TRIM44: variants seen among roughly 807,000 people sequenced by gnomAD.
The protein encoded by TRIM44 is tripartite motif-containing protein 44.
A neutral mutation model predicts 37.4 loss-of-function variants in TRIM44; 13 were observed. The observed-to-expected ratio is 0.35, with a 90% CI of 0.23 to 0.55. TRIM44 has a LOEUF of 0.55. Among genes scored for constraint, TRIM44 ranks in the 20% least tolerant of loss-of-function variants. The probability of loss-of-function intolerance (pLI) is 0.89; values close to 1 mark genes in which losing one functional copy is unlikely to be tolerated. For synonymous variants in TRIM44, 175 were observed against 157.2 expected (o/e 1.11, Z -0.85); for missense variants, 426 against 437.2 (o/e 0.97, Z 0.23).
At chr11:35,738,256 A>G (rs1367834324) in intron 4 of TRIM44, among the ~76,000 whole-genome samples, 1 of 152,226 alleles carries the variant, frequency 6.6e-6, no homozygotes, top group Non-Finnish European at 1.5e-5. Context: ...CTGTATGAAG[A>G]GATTAACTCC....
At chr11:35,783,071 A>G (rs1565024683) in intron 4 of TRIM44, among the ~76,000 whole-genome samples, 3 of 152,316 alleles carry the variant, frequency 2.0e-5, no homozygotes, top group South Asian at 2.1e-4. Context: ...ACCAGACTCT[A>G]TGCTAAGTGC....
At chr11:35,769,564 G>C (rs1467521673) in intron 4 of TRIM44, among the ~76,000 whole-genome samples, 1 of 152,220 alleles carries the variant, frequency 6.6e-6, no homozygotes, top group African/African-American at 2.4e-5. Context: ...ACCTAGGTTA[G>C]AGTACTGATG....
At chr11:35,677,028 G>A (rs1438919161) in intron 1 of TRIM44, among the ~76,000 whole-genome samples, 1 of 152,156 alleles carries the variant, frequency 6.6e-6, no homozygotes, top group African/African-American at 2.4e-5. Flanking sequence ...TGAGTGGTTT[G>A]TGGCCAGGTC....
At position 35,806,340 on chromosome 11, in the gene TRIM44, TCTC is replaced by T. The variant is rs1853448283; in HGVS notation, c.1008-15_1008-13del. 6.2e-7 allele frequency: 1 copy of T among 1,613,540 alleles called. No individual in the cohort carries two copies. Among genetic ancestry groups the T allele is most frequent in the East Asian group, 2.2e-5 (1 of 44,852 alleles). ...CTTGTGATATCTTAACTCACCTGGT[TCTC>T]CTTTTCCTTTGTAGTGGTGCCAGTG... On this transcript the variant is annotated splice_polypyrimidine_tract_variant and intron_variant, in intron 4 of 4. Transcript: ENST00000299413.
chr11:35,720,349 G>A (rs2135512882), intron 2 of TRIM44, among the ~76,000 whole-genome samples: 1 of 151,750 alleles, frequency 6.6e-6, no homozygotes, highest in East Asian at 1.9e-4. Context: ...TATATAGGAA[G>A]GTGATTGACT....
chr11:35,794,150 C>T (rs1398816555), intron 4 of TRIM44, among the ~76,000 whole-genome samples: 3 of 152,186 alleles, frequency 2.0e-5, no homozygotes, highest in African/African-American at 7.2e-5. Context: ...CCAGCTCTCC[C>T]ACTTCTGGAT....
chr11:35,690,396 A>C (rs546729952), intron 2 of TRIM44, among the ~76,000 whole-genome samples: 1 of 152,368 alleles, frequency 6.6e-6, no homozygotes, highest in African/African-American at 2.4e-5. Flanking sequence ...ACAAATTTTA[A>C]ATGTACAGGT....
rs1003327846 is a variant in TRIM44, at chr11:35,704,095, G to A, written c.747+18759G>A. Among the ~76,000 whole-genome samples the A allele has an allele frequency of 2.6e-5, 4 of 152,146 alleles. No homozygotes were observed. In the South Asian group the frequency reaches 6.2e-4, roughly 24 times the overall value. ...CTGATGGAGCTGAAAGCCAAGGCTC[G>A]AGAACTACGTGAAGAATGCAGAAGC... is the stretch of plus-strand genomic sequence containing the variant. On this transcript the variant is annotated intron_variant, in intron 2 of 4. Transcript: ENST00000299413.
chr11:35,777,795 C>T (rs1174833263), intron 4 of TRIM44, among the ~76,000 whole-genome samples: 1 of 152,212 alleles, frequency 6.6e-6, no homozygotes, highest in African/African-American at 2.4e-5. Context: ...CCACTCTCTT[C>T]TGGCTTGTAG....
chr11:35,816,493 A>T lies in TRIM44; in HGVS notation c.*10108A>T, dbSNP rs1466031285. On this transcript the variant is annotated 3_prime_UTR_variant, in exon 5 of 5. Transcript: ENST00000299413. ...CAGATAATACAATGTAATTGATTTT[A>T]TGTGTGTAATTGGGGAACAGAAGGG... 6.6e-6 allele frequency: 1 copy of T among 152,230 alleles called. No individual in the cohort carries two copies. The highest frequency in any genetic ancestry group is 1.5e-5 in the Non-Finnish European group (1 of 68,046). The allele number at this position is 152,230 out of a possible 1,614,324, so 9.4% of individuals were successfully genotyped here.
At position 35,816,975 on chromosome 11, in the gene TRIM44, C is replaced by G. The variant is rs1030957162; in HGVS notation, c.*10590C>G. 1.3e-5 allele frequency: 2 copies of G among 152,146 alleles called. No individual in the cohort carries two copies. The highest frequency in any genetic ancestry group is 4.8e-5 in the African/African-American group (2 of 41,434). The allele number at this position is 152,146 out of a possible 1,614,324, so 9.4% of individuals were successfully genotyped here. On this transcript the variant is annotated 3_prime_UTR_variant, in exon 5 of 5. Coordinates refer to ENST00000299413, the MANE Select transcript of TRIM44 (RefSeq NM_017583.6). ...TGTACCACATCCCCATGTACTTTTTCATATCAACGGTAAGTACCTCAAATT... is the reference window on the plus strand; with the variant it reads ...TGTACCACATCCCCATGTACTTTTTGATATCAACGGTAAGTACCTCAAATT...
intron 2 of TRIM44, among the ~76,000 whole-genome samples, chr11:35,711,461 ATTTT>A (rs1417383555): frequency 1.6e-5 from 2 of 127,394 alleles, no homozygotes; most frequent in African/African-American, 6.6e-5. Context: ...CATTTCTCAG[ATTTT>A]TTGTTTTTTT....
rs374292018 is a variant in TRIM44, at chr11:35,817,747, G to A, written c.*11362G>A. 6.6e-6 allele frequency: 1 copy of A among 152,126 alleles called. No homozygotes were observed. Among genetic ancestry groups the A allele is most frequent in the African/African-American group, 2.4e-5 (1 of 41,412 alleles). The allele number at this position is 152,126 out of a possible 1,614,324, so 9.4% of individuals were successfully genotyped here. On this transcript the variant is annotated 3_prime_UTR_variant, in exon 5 of 5. Coordinates refer to ENST00000299413, the MANE Select transcript of TRIM44 (RefSeq NM_017583.6). ...GGACCTGGTGGGAAGATTGGATCAT[G>A]GGGGAGTTTTCTCATGATTTAACAA...
intron 2 of TRIM44, among the ~76,000 whole-genome samples, chr11:35,692,252 T>G (rs11033242): frequency 0.042 from 6,338 of 152,214 alleles, 336 homozygotes; most frequent in East Asian, 0.14. Context: ...GTGGTTCTGA[T>G]ATATGCTTTT....
At chr11:35,768,013 T>G (rs1747364089) in intron 4 of TRIM44, among the ~76,000 whole-genome samples, 1 of 152,172 alleles carries the variant, frequency 6.6e-6, no homozygotes, top group African/African-American at 2.4e-5. Flanking sequence ...AGCCCTCTGT[T>G]GCAGTTATAA....
At chr11:35,724,707 G>T (rs1852149576) in intron 2 of TRIM44, among the ~76,000 whole-genome samples, 3 of 152,048 alleles carry the variant, frequency 2.0e-5, no homozygotes, top group South Asian at 2.1e-4. Flanking sequence ...TATTTTCTTT[G>T]GTTTGCAGTT....
At chr11:35,779,997 T>C (rs1309318406) in intron 4 of TRIM44, among the ~76,000 whole-genome samples, 3 of 152,122 alleles carry the variant, frequency 2.0e-5, no homozygotes, top group Non-Finnish European at 2.9e-5. Flanking sequence ...CATACTGTTT[T>C]GGTTACTATA....
At chr11:35,713,358 G>A (rs1852002176) in intron 2 of TRIM44, among the ~76,000 whole-genome samples, 2 of 152,164 alleles carry the variant, frequency 1.3e-5, no homozygotes, top group South Asian at 4.1e-4. Context: ...TTGTTCACGA[G>A]GCTAAAGATG....
Position 35,766,227 on chromosome 11 carries a change from C to T in TRIM44, c.1007+30782C>T, listed in dbSNP as rs1178430788. 5.3e-5 allele frequency among the ~76,000 whole-genome samples: 8 copies of T among 152,194 alleles called. No homozygotes were observed. In the South Asian group the frequency reaches 1.7e-3, roughly 31 times the overall value. On this transcript the variant is annotated intron_variant, in intron 4 of 4. Transcript: ENST00000299413. ...ATGCACATTTACCCTTATCTTAACACTGTCTCAAAAGAAAACCCAGCCAAT... is the reference window on the plus strand; with the variant it reads ...ATGCACATTTACCCTTATCTTAACATTGTCTCAAAAGAAAACCCAGCCAAT...
Sources: allele counts gnomAD v4.1 joint callset (sites outside exome capture counted in the v4.1 genomes callset), GRCh38; gene constraint gnomAD v4.1.1; transcripts MANE v1.5; gene names NCBI Gene and HGNC (gene_info 2026-07-23, HGNC 2026-07-21).